Variants in CTDP1 observed in about 807,000 individuals in gnomAD.
CTDP1 encodes the protein RNA polymerase II subunit A C-terminal domain phosphatase.
CTDP1 carries 47 observed loss-of-function variants against 91.8 expected under a neutral mutation model. The ratio of observed to expected loss-of-function variants is 0.51; its 90% CI spans 0.41 to 0.65. The LOEUF is 0.65. Among genes scored for constraint, CTDP1 ranks in the 30% least tolerant of loss-of-function variants. The probability of loss-of-function intolerance (pLI) is 0.00; values close to 1 mark genes in which losing one functional copy is unlikely to be tolerated. For missense variants in CTDP1, 1,272 were observed against 1,373.7 expected (o/e 0.93, Z 1.17); for synonymous variants, 656 against 598.5 (o/e 1.10, Z -1.40).
Position 79,697,747 on chromosome 18 carries a change from G to T in CTDP1, c.493-113G>T, listed in dbSNP as rs1157993612. On this transcript the variant is annotated intron_variant, in intron 3 of 12. Coordinates refer to ENST00000613122, the MANE Select transcript of CTDP1 (RefSeq NM_004715.5). The stretch of plus-strand genomic sequence containing the variant: ...CTGTACGGCGCAGTCCATGGAGCGT[G>T]GGGGGCTGGAGGGGAACACATTGAT... 4.0e-6 allele frequency: 6 copies of T among 1,500,212 alleles called. No homozygotes were observed. In the Admixed American group the frequency reaches 5.1e-5, roughly 13 times the overall value. The allele number at this position is 1,500,212 out of a possible 1,614,324, so 92.9% of individuals were successfully genotyped here.
chr18:79,680,298 G>A, intron 1 of CTDP1, 37 bp downstream of exon 1: 1 of 1,240,030 alleles, frequency 8.1e-7, no homozygotes, highest in Non-Finnish European at 1.0e-6. Context: ...GAGGGCGGGC[G>A]GCTCCGGGGA....
At position 79,697,891 on chromosome 18, in the gene CTDP1, A is replaced by G. The variant is rs965973017; in HGVS notation, c.524A>G (p.Gln175Arg). Residue 175 changes from glutamine (Q) to arginine (R), a missense_variant, in exon 4 of 13, where the codon CAG (glutamine) becomes CGG (arginine). Physicochemically the swap from Gln to Arg is conservative, Grantham distance 43. Around this residue, in one of 3 missense-constraint regions of CTDP1, gnomAD observed 177 missense variants for 283.0 expected, o/e 0.63. Transcript: ENST00000613122. ...GAACAGCTGGGAAGAGAAGACCAGC[A>G]GCGACTGCACCGAAACCGGAAGCTG... ...QAEQLGREDQQRLHRNRKLVL... is the reference protein window; with the variant it reads ...QAEQLGREDQRRLHRNRKLVL... 11 of 1,614,240 alleles carry G rather than the reference A, an allele frequency of 6.8e-6. No individual in the cohort carries two copies. Among genetic ancestry groups the G allele is most frequent in the Non-Finnish European group, 9.3e-6 (11 of 1,180,046 alleles).
intron 5 of CTDP1, among the ~76,000 whole-genome samples, chr18:79,705,743 A>G (rs1047316000): frequency 1.3e-5 from 2 of 152,220 alleles, no homozygotes; most frequent in African/African-American, 2.4e-5. Context: ...TTAAAATTCA[A>G]AGGTCTTTCT....
chr18:79,714,302 T>A (rs2086147330), intron 7 of CTDP1, among the ~76,000 whole-genome samples, 189 bp from the exon 8 acceptor site: 1 of 152,090 alleles, frequency 6.6e-6, no homozygotes, highest in Non-Finnish European at 1.5e-5. Flanking sequence ...ATCCAAAACG[T>A]CCCTGGTCCC....
intron 1 of CTDP1, among the ~76,000 whole-genome samples, chr18:79,690,393 A>G (rs959999633): frequency 1.1e-4 from 17 of 152,164 alleles, no homozygotes; most frequent in Non-Finnish European, 2.2e-4. Flanking sequence ...TTTAGGACAA[A>G]CCAGAAAACA....
At chr18:79,704,378 C>T (rs1292349059) in intron 4 of CTDP1, among the ~76,000 whole-genome samples, 2 of 151,182 alleles carry the variant, frequency 1.3e-5, no homozygotes, top group Non-Finnish European at 3.0e-5. Context: ...ACACGCATGT[C>T]CTCTGTCCCA....
chr18:79,696,136 G>T (rs1170907373), intron 3 of CTDP1, 66 bp downstream of exon 3: 4 of 1,414,322 alleles, frequency 2.8e-6, no homozygotes, highest in Non-Finnish European at 3.9e-6. Flanking sequence ...GGCTGCAGGA[G>T]GAGGGTGGCT....
intron 1 of CTDP1, among the ~76,000 whole-genome samples, chr18:79,690,806 G>A (rs940662702): frequency 6.6e-6 from 1 of 152,194 alleles, no homozygotes; most frequent in Non-Finnish European, 1.5e-5. Context: ...AGGAGTCCTG[G>A]GGTGGGGGGT....
chr18:79,716,886 C>T (rs2086220904), intron 8 of CTDP1, among the ~76,000 whole-genome samples: 1 of 152,298 alleles, frequency 6.6e-6, no homozygotes, highest in African/African-American at 2.4e-5. Context: ...GGCTCCCCGT[C>T]TGAGATCCAC....
chr18:79,736,493 AG>A lies in CTDP1; in HGVS notation c.2721del (p.Ser908AlafsTer15). 1.9e-6 allele frequency: 3 copies of A among 1,547,224 alleles called. No homozygotes were observed. The highest frequency in any genetic ancestry group is 1.4e-5 in the African/African-American group (1 of 73,042). ...RTLGAPASSERSAAGGRGPRG... is the reference protein window; with the variant it reads ...RTLGAPASSEXSAAGGRGPRG... ...GCTCGGGGCACCTGCGTCCAGCGAGAGGAGCGCGGCAGGGGGCCGGGGGCCC... is the reference window on the plus strand; with the variant it reads ...GCTCGGGGCACCTGCGTCCAGCGAGAGAGCGCGGCAGGGGGCCGGGGGCCC... On this transcript the variant is annotated frameshift_variant, in exon 12 of 13. Transcript: ENST00000613122. LOFTEE classifies it high-confidence loss of function.
intron 12 of CTDP1, among the ~76,000 whole-genome samples, chr18:79,746,694 G>A (rs536071905): frequency 7.2e-5 from 11 of 152,320 alleles, no homozygotes; most frequent in African/African-American, 2.6e-4. Context: ...ATGGCTCACT[G>A]GAAGCTTGAA....
In CTDP1 at chr18:79,728,989, A is replaced by C; in HGVS notation, c.2500A>C (p.Arg834=). The C allele has an allele frequency of 1.2e-6, 2 of 1,614,192 alleles. No individual in the cohort carries two copies. The highest frequency in any genetic ancestry group is 1.7e-6 in the Non-Finnish European group (2 of 1,180,050). ...QDGEQPGPSR[R]KRQPSMSETM... ...CGGAGAGCAGCCTGGCCCTTCTAGAAGAAAGCGACAGCCCAGTATGTCTGA... is the reference window on the plus strand; with the variant it reads ...CGGAGAGCAGCCTGGCCCTTCTAGACGAAAGCGACAGCCCAGTATGTCTGA... The change falls in exon 11 of 13, where the codon AGA becomes CGA. Residue 834 remains arginine (R), a synonymous_variant. Coordinates refer to ENST00000613122, the MANE Select transcript of CTDP1 (RefSeq NM_004715.5).
rs771273718 is a variant in CTDP1 at position 79,679,897 on chromosome 18, CTG to C, written c.-50_-49del. On this transcript the variant is annotated 5_prime_UTR_variant, in exon 1 of 13. Coordinates refer to ENST00000613122, the MANE Select transcript of CTDP1 (RefSeq NM_004715.5). Reference sequence around the variant, plus strand: ...GTGTCGCCGCGGTAGGCGCTGCGCTCTGAGCGCAGCGCAGGCCCCGTACCGAC... The same window carrying C: ...GTGTCGCCGCGGTAGGCGCTGCGCTCAGCGCAGCGCAGGCCCCGTACCGAC... The C allele has an allele frequency of 2.8e-5, 37 of 1,336,106 alleles. No individual in the cohort carries two copies. In the Middle Eastern group the frequency reaches 1.1e-3, roughly 41 times the overall value. The allele number at this position is 1,336,106 out of a possible 1,614,324, so 82.8% of individuals were successfully genotyped here.
At chr18:79,725,635 G>A (rs572876508) in intron 10 of CTDP1, among the ~76,000 whole-genome samples, 9 of 151,766 alleles carry the variant, frequency 5.9e-5, no homozygotes, top group Non-Finnish European at 1.2e-4. Flanking sequence ...TAGAGAACTC[G>A]AGCGGAGTCT....
intron 6 of CTDP1, among the ~76,000 whole-genome samples, chr18:79,712,212 G>GCCCAGGATA: frequency 6.6e-6 from 1 of 152,330 alleles, no homozygotes; most frequent in East Asian, 1.9e-4. Context: ...AGGCCCCAGT[G>GCCCAGGATA]GTGGGTACTG....
chr18:79,681,178 G>A (rs1037707685), intron 1 of CTDP1, among the ~76,000 whole-genome samples: 1 of 152,192 alleles, frequency 6.6e-6, no homozygotes, highest in Non-Finnish European at 1.5e-5. Context: ...ATCTGGTTCC[G>A]CAAGAGTGAG....
intron 11 of CTDP1, 144 bp from the exon 12 acceptor site, chr18:79,736,211 C>T: frequency 9.3e-7 from 1 of 1,074,208 alleles, no homozygotes; most frequent in East Asian, 2.6e-5. Context: ...AGTTTCAAGC[C>T]CCAGGGCTCA....
chr18:79,710,312 G>A (rs764909613), intron 5 of CTDP1, 34 bp from the exon 6 acceptor site: 1 of 1,547,174 alleles, frequency 6.5e-7, no homozygotes. Flanking sequence ...ACGTGTCTCA[G>A]GTATGTAATC....
At chr18:79,707,255 C>T (rs1049090363) in intron 5 of CTDP1, among the ~76,000 whole-genome samples, 11 of 152,320 alleles carry the variant, frequency 7.2e-5, no homozygotes, top group Middle Eastern at 3.4e-3. Context: ...TCTGATTCCA[C>T]GTTCATGAGG....
Sources: allele counts gnomAD v4.1 joint callset (sites outside exome capture counted in the v4.1 genomes callset), GRCh38; gene constraint gnomAD v4.1.1; regional missense constraint gnomAD v4.1.1; transcripts MANE v1.5; gene names NCBI Gene and HGNC (gene_info 2026-07-23, HGNC 2026-07-21).